LMTK3: variants seen among roughly 807,000 people sequenced by gnomAD.
The protein encoded by LMTK3 is lemur tail kinase 3.
A neutral mutation model predicts 116.7 loss-of-function variants in LMTK3; 27 were observed. The ratio of observed to expected loss-of-function variants is 0.23; its 90% CI spans 0.17 to 0.32. The LOEUF is 0.32. Among genes scored for constraint, LMTK3 ranks in the 10% least tolerant of loss-of-function variants. LMTK3 has a pLI of 1.00. For missense variants in LMTK3, 1,764 were observed against 2,068.5 expected (o/e 0.85, Z 2.86); for synonymous variants, 965 against 971.0 (o/e 0.99, Z 0.11).
Position 48,497,035 on chromosome 19 carries a change from C to T in LMTK3, c.3676+358G>A, listed in dbSNP as rs1972340699. On this transcript the variant is annotated intron_variant, in intron 11 of 14. Coordinates refer to ENST00000600059, the MANE Select transcript of LMTK3 (RefSeq NM_001388485.1). This position sits in a 1 kb window ranked among gnomAD's most constrained non-coding sequence, Gnocchi z 5.7. ...GCCCCTGTGGGCATGAGTTTGAGAC[C>T]CCTGGTCTAAGTGAGTTGCAATAAT... 6.6e-6 allele frequency among the ~76,000 whole-genome samples: 1 copy of T among 152,176 alleles called. No individual in the cohort carries two copies. Among genetic ancestry groups the T allele is most frequent in the African/African-American group, 2.4e-5 (1 of 41,428 alleles).
At chr19:48,488,927 C>G (rs908433408) in intron 14 of LMTK3, among the ~76,000 whole-genome samples, 18 of 152,090 alleles carry the variant, frequency 1.2e-4, no homozygotes, top group Admixed American at 3.3e-4. Context: ...TTAGTAGAGA[C>G]AGGGTTTCTC....
chr19:48,487,421 C>T (rs1400958547), intron 14 of LMTK3, among the ~76,000 whole-genome samples: 2 of 152,104 alleles, frequency 1.3e-5, no homozygotes, highest in African/African-American at 2.4e-5. Context: ...ATGATCTGCC[C>T]GCCTTGGTCT....
At position 48,497,730 on chromosome 19, in the gene LMTK3, G is replaced by GC. The variant is rs1437387380; in HGVS notation, c.3338dup (p.Arg1114ProfsTer426). The GC allele has an allele frequency of 1.5e-6, 2 of 1,337,922 alleles. No individual in the cohort carries two copies. Among genetic ancestry groups the GC allele is most frequent in the Non-Finnish European group, 1.9e-6 (2 of 1,049,488 alleles). 82.9% of individuals were successfully genotyped at this position (1,337,922 alleles called of 1,614,324 possible). ...CCGTCCCCGTGCCCACTGGGGCTCGGCCCCCACTCCCGAGGTCCAGCCTCC... is the reference window on the plus strand; with the variant it reads ...CCGTCCCCGTGCCCACTGGGGCTCGGCCCCCCACTCCCGAGGTCCAGCCTCC... On this transcript the variant is annotated frameshift_variant, in exon 11 of 15. Coordinates refer to ENST00000600059, the MANE Select transcript of LMTK3 (RefSeq NM_001388485.1). LOFTEE classifies it high-confidence loss of function. This position sits in a 1 kb window ranked among gnomAD's most constrained non-coding sequence, Gnocchi z 5.7.
In LMTK3 at chr19:48,510,096, C is replaced by G; in HGVS notation, c.288G>C (p.Ser96=). ...PPAEETSSSQ[S]LPDVYILPLA... is the part of the protein sequence containing the mutation. ...GCGGGAGAATGTAGACATCAGGCAG[C>G]GACTGTGAGGAGGAGGTCTCCTCCG... is the stretch of plus-strand genomic sequence containing the variant. Residue 96 remains serine (S), a synonymous_variant, in exon 3 of 15, where the codon TCG becomes TCC. Transcript: ENST00000600059. 6.2e-7 allele frequency: 1 copy of G among 1,613,910 alleles called. No homozygotes were observed. Among genetic ancestry groups the G allele is most frequent in the Non-Finnish European group, 8.5e-7 (1 of 1,179,842 alleles).
In LMTK3 at chr19:48,497,351, C is replaced by G. The variant is rs1336149183; in HGVS notation, c.3676+42G>C. On this transcript the variant is annotated intron_variant, in intron 11 of 14. Transcript: ENST00000600059. This position sits in a 1 kb window ranked among gnomAD's most constrained non-coding sequence, Gnocchi z 5.7. Reference sequence around the variant, plus strand: ...ACTCACCCTCCGCACGCCTCGGAAACAGCCGGACCTCAGCCCTGACTGTGC... The same window carrying G: ...ACTCACCCTCCGCACGCCTCGGAAAGAGCCGGACCTCAGCCCTGACTGTGC... 1.4e-6 allele frequency: 2 copies of G among 1,423,760 alleles called. No homozygotes were observed. The highest frequency in any genetic ancestry group is 2.8e-5 in the Admixed American group (1 of 35,180). 88.2% of individuals were successfully genotyped at this position (1,423,760 alleles called of 1,614,324 possible).
rs1972218793 is a variant in LMTK3, at chr19:48,491,310, CGCCCCTCCCGACCAA to C, written c.4228+79_4229-66del. ...CTGCGGCACTCCCGCCCTCTGGTCC[CGCCCCTCCCGACCAA>C]GCCCCTCCCACCCCATAGACCCCGC... On this transcript the variant is annotated intron_variant, in intron 13 of 14. Transcript: ENST00000600059. The surrounding 1 kb of genome is among the most constrained non-coding windows in gnomAD (Gnocchi z 5.1). 1.5e-6 allele frequency: 2 copies of C among 1,344,018 alleles called. No individual in the cohort carries two copies. Among genetic ancestry groups the C allele is most frequent in the Non-Finnish European group, 1.9e-6 (2 of 1,044,974 alleles). The allele number at this position is 1,344,018 out of a possible 1,614,324, so 83.3% of individuals were successfully genotyped here. A position where few individuals can be genotyped will look rare whatever the true frequency, so the allele number is the denominator to read the frequency against.
Position 48,498,211 on chromosome 19 carries a change from T to G in LMTK3, c.2858A>C (p.Glu953Ala). ...AAENGALGSPEREEKVLENGE... is the reference protein window; with the variant it reads ...AAENGALGSPAREEKVLENGE... ...ATTCTCCAGCACTTTCTCTTCTCTCTCGGGGGACCCCAGGGCCCCATTCTC... is the reference window on the plus strand; with the variant it reads ...ATTCTCCAGCACTTTCTCTTCTCTCGCGGGGGACCCCAGGGCCCCATTCTC... The change falls in exon 11 of 15, where the codon GAG becomes GCG. Residue 953 changes from glutamate (E) to alanine (A), a missense_variant. Glu to Ala is a moderately radical substitution (Grantham distance 107, BLOSUM62 -1). Around this residue, in one of 7 missense-constraint regions of LMTK3, gnomAD observed 1,028 missense variants for 1,050.6 expected, o/e 0.98. Transcript: ENST00000600059. The G allele has an allele frequency of 6.2e-7, 1 of 1,612,938 alleles. No homozygotes were observed. The highest frequency in any genetic ancestry group is 8.5e-7 in the Non-Finnish European group (1 of 1,179,594).
chr19:48,506,464 T>G (rs1017076443), intron 5 of LMTK3, among the ~76,000 whole-genome samples: 1 of 152,064 alleles, frequency 6.6e-6, no homozygotes, highest in Admixed American at 6.6e-5. Context: ...CAGCCCAGGG[T>G]CTGGCCAGGA....
chr19:48,493,846 C>T lies in LMTK3; in HGVS notation c.3940G>A (p.Val1314Met). The T allele has an allele frequency of 2.1e-6, 3 of 1,404,776 alleles. No individual in the cohort carries two copies. The highest frequency in any genetic ancestry group is 2.8e-6 in the Non-Finnish European group (3 of 1,080,444). The allele number at this position is 1,404,776 out of a possible 1,614,324, so 87.0% of individuals were successfully genotyped here. A position where few individuals can be genotyped will look rare whatever the true frequency, so the allele number is the denominator to read the frequency against. ...GCGTCCGCGTCGGCGCTGCTCACCA[C>T]GACGGGCACCGGGGCTGCTCGCGCC... Reference protein sequence around the residue: ...GRARAAPVPVVVSSADADAAR... With the variant: ...GRARAAPVPVMVSSADADAAR... The change falls in exon 12 of 15, where the codon GTG (valine) becomes ATG (methionine). Residue 1314 changes from valine (V) to methionine (M), a missense_variant. Transcript: ENST00000600059.
At chr19:48,510,713 C>T in intron 1 of LMTK3, 121 bp from the exon 2 acceptor site, 1 of 1,222,360 alleles carries the variant, frequency 8.2e-7, no homozygotes, top group Non-Finnish European at 1.1e-6. Context: ...ACCAGGGTCC[C>T]TTGGCAGAGG....
At position 48,498,517 on chromosome 19, in the gene LMTK3, GGC is replaced by G. The variant is rs1262700455; in HGVS notation, c.2550_2551del (p.Lys850AsnfsTer689). The G allele has an allele frequency of 5.4e-5, 86 of 1,580,652 alleles. No homozygotes were observed. The Middle Eastern group carries it at 1.7e-3, about 30-fold the overall frequency. On this transcript the variant is annotated frameshift_variant, in exon 11 of 15. Coordinates refer to ENST00000600059, the MANE Select transcript of LMTK3 (RefSeq NM_001388485.1). LOFTEE classifies it high-confidence loss of function. ...CGTGCTCACTTGAACCACGAAGGTC[GGC>G]TTCTCCCGGGGCCCCGGGAGTGGGA...
intron 14 of LMTK3, among the ~76,000 whole-genome samples, chr19:48,489,867 C>G (rs1278872102): frequency 6.6e-6 from 1 of 152,144 alleles, no homozygotes; most frequent in Non-Finnish European, 1.5e-5. Context: ...GCTCTGATAC[C>G]GGGGAGCACC....
Position 48,499,117 on chromosome 19 carries a change from C to A in LMTK3, c.1952G>T (p.Gly651Val). ...EEEEEEGSSP[G>V]EDSSSLGGGP... ...ACCTCCAAGGCTGCTGCTGTCTTCC[C>A]CTGGGGAGCTGCCCTCCTCCTCCTC... Residue 651 changes from glycine to valine, a missense_variant, in exon 11 of 15, where the codon GGG becomes GTG. Physicochemically the swap from Gly to Val is moderately radical, Grantham distance 109 (BLOSUM62 -3). Coordinates refer to ENST00000600059, the MANE Select transcript of LMTK3 (RefSeq NM_001388485.1). The A allele has an allele frequency of 6.4e-7, 1 of 1,558,654 alleles. No individual in the cohort carries two copies. The highest frequency in any genetic ancestry group is 8.6e-7 in the Non-Finnish European group (1 of 1,156,776).
In LMTK3 at chr19:48,497,710, C is replaced by G; in HGVS notation, c.3359G>C (p.Gly1120Ala). ...TCCGGGGCCGCCGCCGGGGGCCGTC[C>G]CCGTGCCCACTGGGGCTCGGCCCCC... ...GSGGRAPVGT[G>A]TAPGGGPGSG... The change falls in exon 11 of 15, where the codon GGG (glycine) becomes GCG (alanine). Residue 1120 changes from glycine (G) to alanine (A), a missense_variant. By Grantham distance (60) the Gly-to-Ala change is moderately conservative. This residue lies in a region of LMTK3 where 1,028 missense variants were observed against 1,050.6 expected (regional missense o/e 0.98). Coordinates refer to ENST00000600059, the MANE Select transcript of LMTK3 (RefSeq NM_001388485.1). This position sits in a 1 kb window ranked among gnomAD's most constrained non-coding sequence, Gnocchi z 5.7. 7.5e-7 allele frequency: 1 copy of G among 1,331,214 alleles called. No homozygotes were observed. The highest frequency in any genetic ancestry group is 9.6e-7 in the Non-Finnish European group (1 of 1,045,522). 82.5% of individuals were successfully genotyped at this position (1,331,214 alleles called of 1,614,324 possible).
At position 48,499,760 on chromosome 19, in the gene LMTK3, G is replaced by A; in HGVS notation, c.1309C>T (p.Pro437Ser). 9 of 1,536,478 alleles carry A rather than the reference G, an allele frequency of 5.9e-6. No individual in the cohort carries two copies. The highest frequency in any genetic ancestry group is 2.4e-5 in the South Asian group (2 of 82,138). The change falls in exon 11 of 15, where the codon CCT (proline) becomes TCT (serine). Residue 437 changes from proline (P) to serine (S), a missense_variant. Pro to Ser is a moderately conservative substitution (Grantham distance 74, BLOSUM62 -1). This residue lies in a region of LMTK3 where 63 missense variants were observed against 65.0 expected (regional missense o/e 0.97). Coordinates refer to ENST00000600059, the MANE Select transcript of LMTK3 (RefSeq NM_001388485.1). ...RDGPFPWPWP[P>S]AHSAPRPGTL... ...CCCGGGCGGGGCGCACTGTGTGCAG[G>A]GGGCCAGGGCCAGGGGAAGGGACCG...
Position 48,498,878 on chromosome 19 carries a change from CGG to C in LMTK3, c.2189_2190del (p.Pro730ArgfsTer809). On this transcript the variant is annotated frameshift_variant, in exon 11 of 15. Transcript: ENST00000600059. LOFTEE classifies it high-confidence loss of function. Reference sequence around the variant, plus strand: ...GCCCCCATGAGGGGGTCCAGAAACTCGGGGGGGGCCGAGGCGGGGGGGGCCAT... The same window carrying C: ...GCCCCCATGAGGGGGTCCAGAAACTCGGGGGGCCGAGGCGGGGGGGGCCAT... ...LPMAPPASAP[P>X]EFLDPLMGAA... 2.2e-6 allele frequency: 2 copies of C among 891,542 alleles called. No homozygotes were observed. The highest frequency in any genetic ancestry group is 3.1e-5 in the African/African-American group (1 of 32,488). The allele number at this position is 891,542 out of a possible 1,614,324, so 55.2% of individuals were successfully genotyped here. A position where few individuals can be genotyped will look rare whatever the true frequency, so the allele number is the denominator to read the frequency against.
At chr19:48,495,096 G>A (rs534698407) in intron 11 of LMTK3, among the ~76,000 whole-genome samples, 3 of 151,062 alleles carry the variant, frequency 2.0e-5, no homozygotes, top group East Asian at 3.9e-4. Flanking sequence ...TGCAACCTCC[G>A]CCTCCTGAGT....
chr19:48,508,898 C>G lies in LMTK3; in HGVS notation c.510G>C (p.Ala170=). 1 of 1,613,704 alleles carries G rather than the reference C, an allele frequency of 6.2e-7. No individual in the cohort carries two copies. Among genetic ancestry groups the G allele is most frequent in the Non-Finnish European group, 8.5e-7 (1 of 1,179,796 alleles). ...QVVVKELRAS[A]GPLEQRKFIS... is the part of the protein sequence containing the mutation. ...TGAACTTGCGTTGCTCCAGGGGCCC[C>G]GCGCTGGCTCGGAGCTCCTTCACCA... Residue 170 remains alanine (A), a synonymous_variant, in exon 5 of 15, where the codon GCG becomes GCC. Transcript: ENST00000600059.
Position 48,510,473 on chromosome 19 carries a change from C to A in LMTK3, c.196G>T (p.Asp66Tyr). 1 of 1,596,250 alleles carries A rather than the reference C, an allele frequency of 6.3e-7. No individual in the cohort carries two copies. The highest frequency in any genetic ancestry group is 8.5e-7 in the Non-Finnish European group (1 of 1,171,548). ...ATGCACCTCACCTTGAAGCCGACAT[C>A]GCCCCGTTTGCAGCACAGACAGGTG... ...LLTCLCCKRG[D>Y]VGFKEFENPE... Residue 66 changes from aspartate (D) to tyrosine (Y), a missense_variant, in exon 2 of 15, where the codon GAT becomes TAT. Asp to Tyr is a radical substitution (Grantham distance 160, BLOSUM62 -3). This residue lies in a region of LMTK3 where 271 missense variants were observed against 478.2 expected (regional missense o/e 0.57). Transcript: ENST00000600059.
Sources: allele counts gnomAD v4.1 joint callset (sites outside exome capture counted in the v4.1 genomes callset), GRCh38; gene constraint gnomAD v4.1.1; regional missense constraint gnomAD v4.1.1; non-coding constraint Gnocchi (gnomAD v3.1); transcripts MANE v1.5; gene names NCBI Gene and HGNC (gene_info 2026-07-23, HGNC 2026-07-21).